TDRD9: variants seen among roughly 807,000 people sequenced by gnomAD.
The protein encoded by TDRD9 is ATP-dependent RNA helicase TDRD9.
TDRD9 carries 124 observed loss-of-function variants against 172.6 expected under a neutral mutation model. The ratio of observed to expected loss-of-function variants is 0.72; its 90% confidence interval spans 0.62 to 0.83. TDRD9 has a LOEUF of 0.83. Ranked by LOEUF, TDRD9 falls within the 40% of genes least tolerant of loss-of-function variation. The pLI is 0.00. For missense variants in TDRD9, 1,479 were observed against 1,714.1 expected (o/e 0.86, Z 2.42); for synonymous variants, 619 against 617.1 (o/e 1.00, Z -0.05).
intron 34 of TDRD9, among the ~76,000 whole-genome samples, chr14:104,046,342 T>G (rs2035775571): frequency 6.6e-6 from 1 of 152,222 alleles, no homozygotes; most frequent in African/African-American, 2.4e-5. Flanking sequence ...TCATTTTCTC[T>G]CTTTTTGTAA....
chr14:104,026,855 A>G lies in TDRD9; in HGVS notation c.3198A>G (p.Ser1066=). Residue 1066 remains serine (S), a synonymous_variant, in exon 28 of 36, where the codon TCA becomes TCG. Transcript: ENST00000409874. ...SVLHVDVYQY[S]GVQDAINIRD... Reference sequence around the variant, plus strand: ...TGCACGTGGATGTGTACCAGTACTCAGGGGTCCAGGATGCCATCAACATAA... The same window carrying G: ...TGCACGTGGATGTGTACCAGTACTCGGGGGTCCAGGATGCCATCAACATAA... 1 of 1,613,938 alleles carries G rather than the reference A, an allele frequency of 6.2e-7. No individual in the cohort carries two copies. Among genetic ancestry groups the G allele is most frequent in the Non-Finnish European group, 8.5e-7 (1 of 1,179,836 alleles).
chr14:103,947,404 T>G (rs1433538660), intron 1 of TDRD9, among the ~76,000 whole-genome samples: 2 of 151,924 alleles, frequency 1.3e-5, no homozygotes, highest in Non-Finnish European at 2.9e-5. Context: ...TTCTACTCAC[T>G]GCAAGCTCTG....
chr14:103,980,662 C>T lies in TDRD9; in HGVS notation c.1011+5109C>T, dbSNP rs553001929. On this transcript the variant is annotated intron_variant, in intron 7 of 35. Transcript: ENST00000409874. This position sits in a 1 kb window ranked among gnomAD's most constrained non-coding sequence, Gnocchi z 4.5. ...ACAAGAGGTGGAGGAGCAGAGTCTTCTCTAAACTACCCCAGGGAAAGGGAG... is the reference window on the plus strand; with the variant it reads ...ACAAGAGGTGGAGGAGCAGAGTCTTTTCTAAACTACCCCAGGGAAAGGGAG... 2.8e-4 allele frequency among the ~76,000 whole-genome samples: 43 copies of T among 152,054 alleles called. No individual in the cohort carries two copies. Among genetic ancestry groups the T allele is most frequent in the Non-Finnish European group, 4.3e-4 (29 of 67,986 alleles).
chr14:103,967,567 C>T lies in TDRD9; in HGVS notation c.765+736C>T, dbSNP rs117057748. ...CAAAAGGATAAACCCATTTGGGCAA[C>T]TGTTTAGGGTAGTGTCTCTGCACTC... On this transcript the variant is annotated intron_variant, in intron 5 of 35. Coordinates refer to ENST00000409874, the MANE Select transcript of TDRD9 (RefSeq NM_153046.3). 3.7e-3 allele frequency among the ~76,000 whole-genome samples: 567 copies of T among 152,038 alleles called. 16 individuals carry two copies. In the East Asian group the frequency reaches 0.096, roughly 26 times the overall value.
chr14:104,036,873 T>C (rs1224523061), intron 32 of TDRD9, among the ~76,000 whole-genome samples: 1 of 152,242 alleles, frequency 6.6e-6, no homozygotes, highest in Non-Finnish European at 1.5e-5. Context: ...ATCCACAGGC[T>C]TAACTAGGTG....
intron 1 of TDRD9, chr14:103,945,416 G>T (rs1383191606): frequency 1.3e-5 from 2 of 151,992 alleles, no homozygotes; most frequent in African/African-American, 2.4e-5. Context: ...ATTTTATTTT[G>T]TCCTGTCTCC....
intron 32 of TDRD9, among the ~76,000 whole-genome samples, chr14:104,036,641 A>G (rs185865596): frequency 6.6e-6 from 1 of 152,224 alleles, no homozygotes; most frequent in East Asian, 1.9e-4. Context: ...TATTTTCACA[A>G]CTCCAGAGTG....
At position 103,980,860 on chromosome 14, in the gene TDRD9, C is replaced by T. The variant is rs2033445926; in HGVS notation, c.1011+5307C>T. On this transcript the variant is annotated intron_variant, in intron 7 of 35. Transcript: ENST00000409874. The surrounding 1 kb of genome is among the most constrained non-coding windows in gnomAD (Gnocchi z 4.5). ...CTGTCCGGGCATAACAGAAGGCTCG[C>T]ACTCTTGTCTTCTGGTCACTTCTCA... Among the ~76,000 whole-genome samples the T allele has an allele frequency of 6.6e-6, 1 of 152,182 alleles. No homozygotes were observed. Among genetic ancestry groups the T allele is most frequent in the South Asian group, 2.1e-4 (1 of 4,826 alleles).
intron 32 of TDRD9, among the ~76,000 whole-genome samples, chr14:104,035,582 C>A (rs2035427097): frequency 6.6e-6 from 1 of 152,190 alleles, no homozygotes; most frequent in Admixed American, 6.5e-5. Flanking sequence ...TTAAAGGCAC[C>A]CTCACAGTGG....
intron 19 of TDRD9, 24 bp from the exon 20 acceptor site, chr14:104,008,389 T>C (rs2034511533): frequency 4.6e-6 from 6 of 1,292,322 alleles, no homozygotes; most frequent in Non-Finnish European, 6.7e-6. Context: ...TAATATTGAG[T>C]ATTCTGCTTT....
In TDRD9 at chr14:104,016,121, G is replaced by A. The variant is rs537113481; in HGVS notation, c.2331+33G>A. On this transcript the variant is annotated intron_variant, in intron 22 of 35. Coordinates refer to ENST00000409874, the MANE Select transcript of TDRD9 (RefSeq NM_153046.3). ...CTGGGGGCAGGCCGTCCTCTCTGGGGTGTGGTGGGGCAGAACATTTTTGTT... is the reference window on the plus strand; with the variant it reads ...CTGGGGGCAGGCCGTCCTCTCTGGGATGTGGTGGGGCAGAACATTTTTGTT... 7 of 1,431,298 alleles carry A rather than the reference G, an allele frequency of 4.9e-6. No individual in the cohort carries two copies. The South Asian group carries it at 8.6e-5, about 18-fold the overall frequency. 88.7% of individuals were successfully genotyped at this position (1,431,298 alleles called of 1,614,324 possible).
intron 34 of TDRD9, among the ~76,000 whole-genome samples, chr14:104,044,612 T>C (rs1162344168): frequency 6.6e-6 from 1 of 152,244 alleles, no homozygotes; most frequent in Non-Finnish European, 1.5e-5. Flanking sequence ...TTGAGGTTTA[T>C]CCATACTGTA....
Position 104,022,311 on chromosome 14 carries a change from T to C in TDRD9, c.2587T>C (p.Ser863Pro). 6.2e-7 allele frequency: 1 copy of C among 1,612,662 alleles called. No homozygotes were observed. The highest frequency in any genetic ancestry group is 8.5e-7 in the Non-Finnish European group (1 of 1,179,352). ...AGGGAAGGTGCAAGGCATGAACGTCTCAAAGCTCAGGAACACAAGGTATTT... is the reference window on the plus strand; with the variant it reads ...AGGGAAGGTGCAAGGCATGAACGTCCCAAAGCTCAGGAACACAAGGTATTT... The part of the protein sequence containing the change: ...IEGKVQGMNV[S>P]KLRNTRVNVD... The change falls in exon 24 of 36, where the codon TCA becomes CCA. Residue 863 changes from serine to proline, a missense_variant. This residue lies in a region of TDRD9 where 1,413 missense variants were observed against 1,649.1 expected (regional missense o/e 0.86). Transcript: ENST00000409874.
chr14:103,941,765 G>A, intron 1 of TDRD9: 1 of 1,231,418 alleles, frequency 8.1e-7, no homozygotes, highest in Non-Finnish European at 1.1e-6. Context: ...GCAAATATTT[G>A]TTTCTTTACA....
At chr14:104,017,502 C>G (rs937519002) in intron 22 of TDRD9, among the ~76,000 whole-genome samples, 1 of 152,222 alleles carries the variant, frequency 6.6e-6, no homozygotes, top group African/African-American at 2.4e-5. Flanking sequence ...GATCTGAGCC[C>G]CAGCCCATGC....
intron 1 of TDRD9, among the ~76,000 whole-genome samples, chr14:103,953,833 G>T (rs12890969): frequency 3.9e-5 from 6 of 152,016 alleles, no homozygotes; most frequent in East Asian, 1.9e-4. Context: ...GTTCTGCCCG[G>T]GTGGACTCTC....
chr14:103,988,601 G>T (rs185372640), intron 8 of TDRD9, among the ~76,000 whole-genome samples: 1 of 151,584 alleles, frequency 6.6e-6, no homozygotes, highest in East Asian at 1.9e-4. Flanking sequence ...TTTGCTTTTT[G>T]CTTTCTGGAT....
In TDRD9 at chr14:103,945,968, GT is replaced by G. The variant is rs71681370; in HGVS notation, c.216-9685del. On this transcript the variant is annotated intron_variant, in intron 1 of 35. Transcript: ENST00000409874. ...ATTGTGGGAAGACTCATATCTTTCT[GT>G]TTTTTTTTTTCTTTTTTTGAGACAA... Among the ~76,000 whole-genome samples, 132 of 147,784 alleles carry G rather than the reference GT, an allele frequency of 8.9e-4. 2 individuals carry two copies. In the South Asian group the frequency reaches 9.2e-3, roughly 10 times the overall value.
chr14:104,030,722 G>T (rs1474138575), intron 28 of TDRD9, among the ~76,000 whole-genome samples: 1 of 151,832 alleles, frequency 6.6e-6, no homozygotes, highest in Admixed American at 6.6e-5. Flanking sequence ...GTAAACTATC[G>T]CAAGGACAAA....
Sources: allele counts gnomAD v4.1 joint callset (sites outside exome capture counted in the v4.1 genomes callset), GRCh38; gene constraint gnomAD v4.1.1; regional missense constraint gnomAD v4.1.1; non-coding constraint Gnocchi (gnomAD v3.1); transcripts MANE v1.5; gene names NCBI Gene and HGNC (gene_info 2026-07-23, HGNC 2026-07-21).